The following COTL1 variants were observed in gnomAD, a reference collection of about 807,000 sequenced individuals.
COTL1 encodes coactosin-like protein.
COTL1 carries 15 observed loss-of-function variants against 16.5 expected under a neutral mutation model. That is an observed-to-expected ratio of 0.91 (90% CI 0.61 to 1.40). The LOEUF (loss-of-function observed/expected upper bound fraction) is 1.40. COTL1 is among the 40% of genes most tolerant of loss of function. The pLI is 0.00. For missense variants in COTL1, 220 were observed against 201.5 expected (o/e 1.09, Z -0.56); for synonymous variants, 112 against 85.3 (o/e 1.31, Z -1.73).
intron 2 of COTL1, among the ~76,000 whole-genome samples, chr16:84,604,370 C>A (rs1905167804): frequency 6.9e-6 from 1 of 144,686 alleles, no homozygotes; most frequent in Non-Finnish European, 1.5e-5. Flanking sequence ...TCCTCCTGCC[C>A]ACCCAGGAGC....
At chr16:84,614,838 G>C (rs796520167) in intron 2 of COTL1, among the ~76,000 whole-genome samples, 14 of 152,304 alleles carry the variant, frequency 9.2e-5, no homozygotes, top group African/African-American at 2.9e-4. Flanking sequence ...AATCCCACGA[G>C]AGGTGAGAAT....
chr16:84,586,315 G>A (rs1044563272), intron 3 of COTL1, among the ~76,000 whole-genome samples: 3 of 152,156 alleles, frequency 2.0e-5, no homozygotes, highest in East Asian at 1.9e-4. Context: ...GCTTGCAAAC[G>A]TAAGAATTAT....
chr16:84,615,044 A>T (rs1341938490), intron 2 of COTL1, among the ~76,000 whole-genome samples: 1 of 152,208 alleles, frequency 6.6e-6, no homozygotes, highest in African/African-American at 2.4e-5. Flanking sequence ...TGACCAAGAT[A>T]AGGCACGTCG....
intron 2 of COTL1, among the ~76,000 whole-genome samples, chr16:84,592,859 G>A (rs1206215680): frequency 2.6e-5 from 4 of 152,198 alleles, no homozygotes; most frequent in Admixed American, 2.0e-4. Context: ...TAAGGAACAC[G>A]CAGCTCTCAG....
intron 3 of COTL1, among the ~76,000 whole-genome samples, chr16:84,583,696 G>T (rs774441907): frequency 6.6e-6 from 1 of 152,132 alleles, no homozygotes; most frequent in African/African-American, 2.4e-5. Context: ...CTGGGCTCAA[G>T]CAATCCTCCT....
intron 2 of COTL1, among the ~76,000 whole-genome samples, chr16:84,615,054 G>A (rs770337084): frequency 5.3e-5 from 8 of 152,208 alleles, no homozygotes; most frequent in Admixed American, 1.3e-4. Context: ...AAGGCACGTC[G>A]AGCGTGGTGA....
intron 2 of COTL1, among the ~76,000 whole-genome samples, chr16:84,607,067 A>G (rs1905225542): frequency 6.6e-6 from 1 of 152,192 alleles, no homozygotes; most frequent in Non-Finnish European, 1.5e-5. Flanking sequence ...CTAACCATGA[A>G]GGATGGGGAT....
intron 2 of COTL1, among the ~76,000 whole-genome samples, chr16:84,604,693 C>T (rs114940871): frequency 6.6e-6 from 1 of 152,282 alleles, no homozygotes; most frequent in African/African-American, 2.4e-5. Context: ...CTCTCTGTCC[C>T]TCTGTTAGGC....
chr16:84,607,413 GC>G (rs1905235814), intron 2 of COTL1, among the ~76,000 whole-genome samples: 2 of 152,190 alleles, frequency 1.3e-5, no homozygotes, highest in Admixed American at 1.3e-4. Context: ...CCCAACTGCA[GC>G]ATCTCCAGCA....
At chr16:84,591,673 A>C (rs1205418579) in intron 2 of COTL1, among the ~76,000 whole-genome samples, 38 of 141,494 alleles carry the variant, frequency 2.7e-4, no homozygotes, top group African/African-American at 8.8e-4. Context: ...AAACCAAAAA[A>C]TTAGCTGGGC....
At chr16:84,617,383 G>A in intron 2 of COTL1, 118 bp downstream of exon 2, 1 of 884,460 alleles carries the variant, frequency 1.1e-6, no homozygotes, top group African/African-American at 1.7e-5. Flanking sequence ...CCCACGCCAT[G>A]CGCCAGGGGC....
intron 3 of COTL1, among the ~76,000 whole-genome samples, chr16:84,587,066 G>A (rs1222117664): frequency 5.9e-5 from 9 of 152,154 alleles, no homozygotes; most frequent in Non-Finnish European, 1.0e-4. Flanking sequence ...TTTGGCCACA[G>A]AACAGGACTT....
intron 2 of COTL1, among the ~76,000 whole-genome samples, chr16:84,608,702 T>C (rs1168169006): frequency 2.0e-5 from 3 of 152,188 alleles, no homozygotes; most frequent in Non-Finnish European, 2.9e-5. Flanking sequence ...GCCCAGGAGT[T>C]CGAGACCTGC....
chr16:84,608,348 A>G (rs16974275), intron 2 of COTL1, among the ~76,000 whole-genome samples: 1,742 of 152,338 alleles, frequency 0.011, 29 homozygotes, highest in African/African-American at 0.04. Flanking sequence ...TGTACTTACC[A>G]GGAAGATACA....
At chr16:84,579,531 G>A (rs1597170167) in intron 3 of COTL1, among the ~76,000 whole-genome samples, 1 of 152,344 alleles carries the variant, frequency 6.6e-6, no homozygotes, top group East Asian at 1.9e-4. Flanking sequence ...GAAATGTCAA[G>A]AGAAAGGACA....
intron 3 of COTL1, among the ~76,000 whole-genome samples, chr16:84,589,748 C>T (rs8049172): frequency 0.031 from 4,684 of 152,158 alleles, 234 homozygotes; most frequent in African/African-American, 0.11. Flanking sequence ...ATCCTTGCGA[C>T]CACCGCCGAC....
chr16:84,607,248 G>A (rs564339305), intron 2 of COTL1, among the ~76,000 whole-genome samples: 2 of 152,308 alleles, frequency 1.3e-5, no homozygotes, highest in South Asian at 4.2e-4. Flanking sequence ...CTTGACGGGT[G>A]TGTAGGAGTC....
At chr16:84,601,706 G>A (rs915904033) in intron 2 of COTL1, among the ~76,000 whole-genome samples, 4 of 152,116 alleles carry the variant, frequency 2.6e-5, no homozygotes, top group Non-Finnish European at 5.9e-5. Flanking sequence ...CCCCCATCCT[G>A]GCCTCCCAAA....
intron 2 of COTL1, among the ~76,000 whole-genome samples, chr16:84,597,836 C>T (rs766496559): frequency 6.6e-6 from 1 of 152,196 alleles, no homozygotes; most frequent in Non-Finnish European, 1.5e-5. Flanking sequence ...ACCACCAGGA[C>T]AGTCCCTCCA....
Sources: allele counts gnomAD v4.1 joint callset (sites outside exome capture counted in the v4.1 genomes callset), GRCh38; gene constraint gnomAD v4.1.1; transcripts MANE v1.5; gene names NCBI Gene and HGNC (gene_info 2026-07-23, HGNC 2026-07-21).